Variants in SMYD3 observed in about 807,000 individuals in gnomAD.
The protein encoded by SMYD3 is histone-lysine N-methyltransferase SMYD3.
In SMYD3, 36 loss-of-function variants were observed where a neutral mutation model predicts 57.7. The ratio of observed to expected loss-of-function variants is 0.62; its 90% CI spans 0.48 to 0.82. The LOEUF is 0.82. Ranked by LOEUF, SMYD3 falls within the 40% of genes least tolerant of loss-of-function variation. The probability of loss-of-function intolerance (pLI) is 0.00; values close to 1 mark genes in which losing one functional copy is unlikely to be tolerated. For synonymous variants in SMYD3, 211 were observed against 195.0 expected, an observed-to-expected ratio of 1.08 and a Z score of -0.68; for missense variants, 515 against 538.8, an observed-to-expected ratio of 0.96 and a Z score of 0.44.
At chr1:245,893,388 A>G (rs924831427) in intron 8 of SMYD3, among the ~76,000 whole-genome samples, 2 of 152,236 alleles carry the variant, frequency 1.3e-5, no homozygotes, top group Non-Finnish European at 2.9e-5. Context: ...ATGAAAACTT[A>G]TATTTGCACA....
In SMYD3 at chr1:245,822,170, G is replaced by A. The variant is rs554574782; in HGVS notation, c.1076+36326C>T. 5.0e-3 allele frequency among the ~76,000 whole-genome samples: 765 copies of A among 152,148 alleles called. 1 individual carries two copies. Among genetic ancestry groups the A allele is most frequent in the Non-Finnish European group, 8.5e-3 (580 of 68,014 alleles). ...CCCAAATGTCCAACAATGATAGATC[G>A]GATTAAGAAAATGTGGCACATATAC... On this transcript the variant is annotated intron_variant, in intron 10 of 11. Transcript: ENST00000490107.
chr1:245,928,508 C>T (rs962017875), intron 6 of SMYD3, among the ~76,000 whole-genome samples: 3 of 57,816 alleles, frequency 5.2e-5, no homozygotes, highest in African/African-American at 1.4e-4. Context: ...CCTGTCCCTA[C>T]TAAAAATACA....
chr1:246,168,978 T>A (rs116042089), intron 5 of SMYD3, among the ~76,000 whole-genome samples: 3 of 152,200 alleles, frequency 2.0e-5, no homozygotes, highest in Non-Finnish European at 2.9e-5. Flanking sequence ...TCTGGTCCAA[T>A]TAAATTTCCC....
intron 1 of SMYD3, among the ~76,000 whole-genome samples, chr1:246,385,505 T>C (rs1271535586): frequency 5.3e-5 from 8 of 152,156 alleles, no homozygotes; most frequent in South Asian, 2.1e-4. Flanking sequence ...CTGTGTATAC[T>C]GCATTAAGTC....
chr1:246,415,005 C>A (rs774644222), intron 1 of SMYD3, among the ~76,000 whole-genome samples: 2 of 152,150 alleles, frequency 1.3e-5, no homozygotes, highest in African/African-American at 4.8e-5. Flanking sequence ...GTGTGAGCCA[C>A]CGCGCCCGGC....
At chr1:246,042,878 T>G (rs1447248960) in intron 5 of SMYD3, among the ~76,000 whole-genome samples, 1 of 152,186 alleles carries the variant, frequency 6.6e-6, no homozygotes, top group East Asian at 1.9e-4. Flanking sequence ...TACTGGAGAT[T>G]AATTTTTTAC....
intron 5 of SMYD3, among the ~76,000 whole-genome samples, chr1:245,991,489 A>G (rs2058812655): frequency 6.6e-6 from 1 of 152,218 alleles, no homozygotes; most frequent in South Asian, 2.1e-4. Flanking sequence ...GTTCCGCCTC[A>G]GGGTGTTTCA....
At chr1:245,884,435 G>GAA (rs2052967685) in intron 8 of SMYD3, among the ~76,000 whole-genome samples, 1 of 152,098 alleles carries the variant, frequency 6.6e-6, no homozygotes, top group African/African-American at 2.4e-5. Flanking sequence ...GTGGTGAAAT[G>GAA]CATGGGGGTT....
chr1:246,185,636 T>C (rs1053357469), intron 5 of SMYD3, among the ~76,000 whole-genome samples: 2 of 152,046 alleles, frequency 1.3e-5, no homozygotes, highest in African/African-American at 4.8e-5. Context: ...TAATTTTTTG[T>C]ATGTTTAGTA....
chr1:246,231,167 T>C (rs2063403352), intron 5 of SMYD3, among the ~76,000 whole-genome samples: 1 of 152,176 alleles, frequency 6.6e-6, no homozygotes, highest in Non-Finnish European at 1.5e-5. Context: ...CTGAAAGCAG[T>C]CTTATTCTCT....
chr1:246,000,888 G>A (rs1044933653), intron 5 of SMYD3, among the ~76,000 whole-genome samples: 5 of 152,176 alleles, frequency 3.3e-5, no homozygotes, highest in African/African-American at 1.2e-4. Context: ...TGGAGTGTTT[G>A]GAAACAGAAG....
chr1:246,108,250 C>G (rs2061166264), intron 5 of SMYD3, among the ~76,000 whole-genome samples: 1 of 152,198 alleles, frequency 6.6e-6, no homozygotes, highest in Non-Finnish European at 1.5e-5. Flanking sequence ...ACAAGAACCA[C>G]TAAAACTTAT....
chr1:246,110,794 C>T (rs575137198), intron 5 of SMYD3, among the ~76,000 whole-genome samples: 12 of 152,300 alleles, frequency 7.9e-5, no homozygotes, highest in African/African-American at 1.2e-4. Flanking sequence ...CTGAGTCACC[C>T]GGGATGTTTA....
At chr1:245,873,518 A>G (rs1436548590) in intron 8 of SMYD3, among the ~76,000 whole-genome samples, 1 of 152,198 alleles carries the variant, frequency 6.6e-6, no homozygotes, top group Non-Finnish European at 1.5e-5. Context: ...GTACACCTCC[A>G]AAGTTCAGGG....
intron 5 of SMYD3, among the ~76,000 whole-genome samples, chr1:245,949,825 A>ACCAC (rs2057560212): frequency 1.1e-5 from 1 of 93,306 alleles, no homozygotes; most frequent in African/African-American, 6.1e-5. Context: ...AAAGAAACCC[A>ACCAC]CCCCCCCCAC....
At chr1:246,099,007 C>T (rs1369092391) in intron 5 of SMYD3, among the ~76,000 whole-genome samples, 1 of 152,140 alleles carries the variant, frequency 6.6e-6, no homozygotes, top group Non-Finnish European at 1.5e-5. Context: ...TTTCTCCCAC[C>T]CTTTTCCAGC....
chr1:246,430,451 C>T (rs2067279620), intron 1 of SMYD3, among the ~76,000 whole-genome samples: 1 of 152,134 alleles, frequency 6.6e-6, no homozygotes, highest in Admixed American at 6.5e-5. Context: ...GAGCGAAGGC[C>T]GTATGTGGCA....
chr1:246,397,453 C>T (rs1044689231), intron 1 of SMYD3, among the ~76,000 whole-genome samples: 3 of 152,040 alleles, frequency 2.0e-5, no homozygotes, highest in Admixed American at 6.6e-5. Flanking sequence ...TTTGTGCTCT[C>T]GGTTGAAAAA....
chr1:246,264,635 G>A (rs1367295427), intron 5 of SMYD3, among the ~76,000 whole-genome samples: 1 of 152,152 alleles, frequency 6.6e-6, no homozygotes, highest in Non-Finnish European at 1.5e-5. Flanking sequence ...CATTCTATGG[G>A]AATTGCAGGT....
Sources: gnomAD v4.1 joint callset for allele counts (sites outside exome capture counted in the v4.1 genomes callset) on GRCh38, gnomAD v4.1.1 for gene constraint, MANE v1.5 for transcripts, NCBI Gene and HGNC (gene_info 2026-07-23, HGNC 2026-07-21) for gene names.